APPL2: variants seen among roughly 807,000 people sequenced by gnomAD.
APPL2 encodes the protein adaptor protein, phosphotyrosine interacting with PH domain and leucine zipper 2.
Under a neutral mutation model 92.7 loss-of-function variants are expected in APPL2, and 84 were observed. The ratio of observed to expected loss-of-function variants is 0.91; its 90% CI spans 0.76 to 1.09. The LOEUF (loss-of-function observed/expected upper bound fraction) is 1.09. Ranked by LOEUF, APPL2 falls within the 50% of genes least tolerant of loss-of-function variation. The pLI is 0.00. For synonymous variants in APPL2, 291 were observed against 291.0 expected, an observed-to-expected ratio of 1.00 and a Z score of 0.00; for missense variants, 736 against 824.5, an observed-to-expected ratio of 0.89 and a Z score of 1.31.
At chr12:105,230,560 C>T (rs560812356) in intron 1 of APPL2, among the ~76,000 whole-genome samples, 1 of 152,220 alleles carries the variant, frequency 6.6e-6, no homozygotes. Context: ...CACTAAGGCT[C>T]ATTATTTCCC....
intron 19 of APPL2, 178 bp from the exon 20 acceptor site, chr12:105,176,260 G>C: frequency 1.7e-6 from 1 of 577,920 alleles, no homozygotes; most frequent in Non-Finnish European, 3.0e-6. Flanking sequence ...CAACTGTCCT[G>C]ACCTCTGTTG....
rs186151751 is a variant in APPL2, at chr12:105,207,928, T to C, written c.474+43A>G. On this transcript the variant is annotated intron_variant, in intron 7 of 20. Transcript: ENST00000258530. The stretch of plus-strand genomic sequence containing the variant: ...TCACAAGAGGAAGGCATGAAAGGCC[T>C]TTATGTAAATGAAGTGAAAAACAAC... 27 of 1,569,762 alleles carry C rather than the reference T, an allele frequency of 1.7e-5. No homozygotes were observed. In the African/African-American group the frequency reaches 3.0e-4, roughly 17 times the overall value.
At chr12:105,207,829 T>TCGG in intron 7 of APPL2, 142 bp downstream of exon 7, 3 of 701,796 alleles carry the variant, frequency 4.3e-6, no homozygotes, top group Admixed American at 2.8e-5. Context: ...CTTATGAGAT[T>TCGG]TGGAATGAAC....
At chr12:105,201,846 A>T (rs1888235862) in intron 9 of APPL2, among the ~76,000 whole-genome samples, 1 of 152,138 alleles carries the variant, frequency 6.6e-6, no homozygotes, top group South Asian at 2.1e-4. Context: ...GCTGGAAACC[A>T]TGCCACGCTG....
chr12:105,176,389 C>A, intron 19 of APPL2: 1 of 500,962 alleles, frequency 2.0e-6, no homozygotes. Flanking sequence ...ACGATATGTC[C>A]ATATACACAG....
At position 105,188,326 on chromosome 12, in the gene APPL2, A is replaced by T. The variant is rs1886907014; in HGVS notation, c.1581T>A (p.His527Gln). 6.2e-7 allele frequency: 1 copy of T among 1,614,124 alleles called. No homozygotes were observed. Among genetic ancestry groups the T allele is most frequent in the Non-Finnish European group, 8.5e-7 (1 of 1,180,038 alleles). ...MRQVLAARAI[H>Q]NIFRMTESHL... is the part of the protein sequence containing the mutation. ...GGGATTCTGTCATGCGGAAGATGTT[A>T]TGAATAGCCCGAGCAGCCAATACTT... The change falls in exon 17 of 21, where the codon CAT becomes CAA. Residue 527 changes from histidine to glutamine, a missense_variant. Transcript: ENST00000258530.
At chr12:105,212,537 C>T (rs1889311544) in intron 4 of APPL2, among the ~76,000 whole-genome samples, 1 of 152,236 alleles carries the variant, frequency 6.6e-6, no homozygotes, top group African/African-American at 2.4e-5. Flanking sequence ...GATTCGTTTA[C>T]TTTCCACTAC....
At chr12:105,233,603 T>C (rs143585392) in intron 1 of APPL2, among the ~76,000 whole-genome samples, 1 of 152,302 alleles carries the variant, frequency 6.6e-6, no homozygotes, top group Non-Finnish European at 1.5e-5. Context: ...AAACACACAA[T>C]AGATGGTTTA....
intron 4 of APPL2, among the ~76,000 whole-genome samples, chr12:105,211,789 C>T (rs550545319): frequency 7.2e-5 from 11 of 152,336 alleles, no homozygotes; most frequent in East Asian, 1.9e-4. Context: ...CTGAAAACCA[C>T]GGCCAGCTAT....
At position 105,197,791 on chromosome 12, in the gene APPL2, G is replaced by A. The variant is rs12303948; in HGVS notation, c.1026C>T (p.Phe342=). 0.06 allele frequency: 96,786 copies of A among 1,614,068 alleles called. 6,584 individuals are homozygous for A. Among genetic ancestry groups the A allele is most frequent in the African/African-American group, 0.36 (26,615 of 74,944 alleles). The change falls in exon 11 of 21, where the codon TTC becomes TTT. Residue 342 remains phenylalanine (F), a synonymous_variant. Transcript: ENST00000258530. ...AVDCEDRRYC[F]QITTPNGKSG... is the part of the protein sequence containing the mutation. ...ATTTTCCATTGGGCGTGGTGATCTG[G>A]AAGCAGTAGCGCCGGTCTTCGCAAT...
intron 17 of APPL2, among the ~76,000 whole-genome samples, chr12:105,186,691 TC>T (rs1350799415): frequency 8.2e-5 from 5 of 61,154 alleles, no homozygotes; most frequent in East Asian, 1.8e-3. Context: ...CATATATATA[TC>T]ATATATCATA....
chr12:105,208,405 C>A (rs1262054669), intron 5 of APPL2, among the ~76,000 whole-genome samples: 2 of 152,148 alleles, frequency 1.3e-5, no homozygotes, highest in Non-Finnish European at 2.9e-5. Context: ...CACCCAGTGA[C>A]CCTGATGGCC....
At chr12:105,184,730 A>G (rs906598933) in intron 17 of APPL2, among the ~76,000 whole-genome samples, 9 of 152,220 alleles carry the variant, frequency 5.9e-5, no homozygotes, top group Non-Finnish European at 8.8e-5. Context: ...GAACCACCAG[A>G]GTCAGGGACT....
At chr12:105,180,632 C>T (rs1035281612) in intron 17 of APPL2, among the ~76,000 whole-genome samples, 2 of 152,250 alleles carry the variant, frequency 1.3e-5, no homozygotes, top group South Asian at 4.1e-4. Context: ...TGTGTCCTCT[C>T]TTATTTCCTT....
chr12:105,218,579 C>T (rs1196766), intron 2 of APPL2, among the ~76,000 whole-genome samples: 56,645 of 152,082 alleles, frequency 0.37, 11,240 homozygotes, highest in Middle Eastern at 0.54. Flanking sequence ...AATGCACTGC[C>T]TGTCTGAACA....
chr12:105,186,622 T>TATATCATATATATATCG (rs1555248005), intron 17 of APPL2, among the ~76,000 whole-genome samples: 2 of 125,678 alleles, frequency 1.6e-5, no homozygotes, highest in Admixed American at 7.9e-5. Flanking sequence ...ATATCATATA[T>TATATCATATATATATCG]ATATCATATA....
At position 105,229,211 on chromosome 12, in the gene APPL2, G is replaced by T. The variant is rs139323627; in HGVS notation, c.67C>A (p.Leu23Met). Reference protein sequence around the residue: ...LQDSPQTRSLLSVFEEDAGTL... With the variant: ...LQDSPQTRSLMSVFEEDAGTL... The stretch of plus-strand genomic sequence containing the variant: ...CCAGCATCTTCTTCAAACACGCTCA[G>T]TAAAGAGCGAGTCTGGAAGAAAAGA... The change falls in exon 2 of 21, where the codon CTG becomes ATG. Residue 23 changes from leucine to methionine, a missense_variant. Coordinates refer to ENST00000258530, the MANE Select transcript of APPL2 (RefSeq NM_018171.5). 4 of 1,613,390 alleles carry T rather than the reference G, an allele frequency of 2.5e-6. No homozygotes were observed. Among genetic ancestry groups the T allele is most frequent in the Non-Finnish European group, 3.4e-6 (4 of 1,179,634 alleles).
At chr12:105,206,834 AG>A in intron 8 of APPL2, 1 of 472,030 alleles carries the variant, frequency 2.1e-6, no homozygotes. Flanking sequence ...CTTGGGACCC[AG>A]GCCTCATTTC....
At position 105,195,468 on chromosome 12, in the gene APPL2, T is replaced by A; in HGVS notation, c.1129A>T (p.Ile377Phe). The change falls in exon 13 of 21, where the codon ATC becomes TTC. Residue 377 changes from isoleucine to phenylalanine, a missense_variant. Coordinates refer to ENST00000258530, the MANE Select transcript of APPL2 (RefSeq NM_018171.5). Reference protein sequence around the residue: ...ICAINNISRQIYLTDNPEAVA... With the variant: ...ICAINNISRQFYLTDNPEAVA... ...ACCTCAGGGTTGTCGGTCAGGTAGA[T>A]CTGTCTGGAGATGTTGTTTATTGCA... The A allele has an allele frequency of 6.2e-7, 1 of 1,614,174 alleles. No individual in the cohort carries two copies. The highest frequency in any genetic ancestry group is 8.5e-7 in the Non-Finnish European group (1 of 1,180,028).
Sources: allele counts gnomAD v4.1 joint callset (sites outside exome capture counted in the v4.1 genomes callset), GRCh38; gene constraint gnomAD v4.1.1; transcripts MANE v1.5; gene names NCBI Gene and HGNC (gene_info 2026-07-23, HGNC 2026-07-21).